Variants in DOCK7 observed in about 807,000 individuals in gnomAD.
The protein encoded by DOCK7 is dedicator of cytokinesis 7.
DOCK7 carries 138 observed loss-of-function variants against 271.0 expected under a neutral mutation model. That is an observed-to-expected ratio of 0.51 (90% CI 0.44 to 0.59). The LOEUF (loss-of-function observed/expected upper bound fraction) is 0.59, where lower values mean the gene tolerates loss of function less well. Ranked by LOEUF, DOCK7 falls within the 20% of genes least tolerant of loss-of-function variation. The pLI is 0.00. For missense variants in DOCK7, 2,066 were observed against 2,592.4 expected, an observed-to-expected ratio of 0.80 and a Z score of 4.41; for synonymous variants, 823 against 876.1, an observed-to-expected ratio of 0.94 and a Z score of 1.07.
chr1:62,679,217 T>C (rs1660849911), intron 1 of DOCK7, among the ~76,000 whole-genome samples: 1 of 152,066 alleles, frequency 6.6e-6, no homozygotes, highest in Non-Finnish European at 1.5e-5. Flanking sequence ...TATCTTAATA[T>C]CTCAGGGTAA....
At chr1:62,609,022 A>G (rs1651404752) in intron 14 of DOCK7, 1 of 152,230 alleles carries the variant, frequency 6.6e-6, no homozygotes, top group Non-Finnish European at 1.5e-5. Context: ...ACTAACAGCC[A>G]TAAACTCTGC....
At chr1:62,630,225 C>A (rs1654450090) in intron 11 of DOCK7, among the ~76,000 whole-genome samples, 1 of 152,036 alleles carries the variant, frequency 6.6e-6, no homozygotes, top group Non-Finnish European at 1.5e-5. Flanking sequence ...GGAATCAAGG[C>A]CCTTTGTTTT....
chr1:62,584,258 T>C, intron 15 of DOCK7: 2 of 973,584 alleles, frequency 2.1e-6, no homozygotes, highest in Non-Finnish European at 2.4e-6. Context: ...TAATTATGAC[T>C]TTCCTAAGAT....
At position 62,648,163 on chromosome 1, in the gene DOCK7, G is replaced by C. The variant is rs1250860441; in HGVS notation, c.675C>G (p.Asp225Glu). The C allele has an allele frequency of 1.2e-6, 2 of 1,613,336 alleles. No individual in the cohort carries two copies. The highest frequency in any genetic ancestry group is 3.3e-5 in the Admixed American group (2 of 59,976). ...PNEEIDRQND[D>E]QRKSNRHKEL... The stretch of plus-strand genomic sequence containing the variant: ...CTTTGTGACGGTTTGATTTCCTTTG[G>C]TCATCATTCTGACGGTCTATTTCTT... The change falls in exon 6 of 50, where the codon GAC becomes GAG. Residue 225 changes from aspartate (D) to glutamate (E), a missense_variant. Asp to Glu is a conservative substitution (Grantham distance 45). This residue lies in a region of DOCK7 where 1,414 missense variants were observed against 1,670.4 expected (regional missense o/e 0.85). Coordinates refer to ENST00000635253, the MANE Select transcript of DOCK7 (RefSeq NM_001367561.1).
At chr1:62,456,572 A>G (rs1459416634) in intron 49 of DOCK7, among the ~76,000 whole-genome samples, 2 of 152,186 alleles carry the variant, frequency 1.3e-5, no homozygotes, top group African/African-American at 4.8e-5. Flanking sequence ...AACTGCCTAC[A>G]TATGTTAAAA....
chr1:62,646,279 T>C (rs866132534), intron 7 of DOCK7, among the ~76,000 whole-genome samples: 12 of 151,670 alleles, frequency 7.9e-5, no homozygotes, highest in African/African-American at 2.7e-4. Context: ...TTACATGAAA[T>C]AATCAGAATG....
chr1:62,624,121 T>C (rs1311070683), intron 12 of DOCK7, among the ~76,000 whole-genome samples: 1 of 152,186 alleles, frequency 6.6e-6, no homozygotes, highest in Middle Eastern at 3.2e-3. Context: ...TCTAGTCACC[T>C]AGTCACTTAC....
intron 48 of DOCK7, among the ~76,000 whole-genome samples, chr1:62,464,092 C>A (rs1420861707): frequency 1.3e-5 from 2 of 152,052 alleles, no homozygotes; most frequent in African/African-American, 4.8e-5. Flanking sequence ...CGGAGTCTCG[C>A]TCTGTCACCC....
chr1:62,675,763 C>T (rs890055156), intron 1 of DOCK7, among the ~76,000 whole-genome samples: 28 of 151,228 alleles, frequency 1.9e-4, no homozygotes, highest in African/African-American at 6.8e-4. Context: ...CCAGCCTGGG[C>T]GACAGTGCGA....
chr1:62,616,053 G>A (rs1299306309), intron 14 of DOCK7, among the ~76,000 whole-genome samples: 1 of 151,624 alleles, frequency 6.6e-6, no homozygotes, highest in East Asian at 1.9e-4. Context: ...ACTAATACAT[G>A]TTTACATAAT....
intron 2 of DOCK7, among the ~76,000 whole-genome samples, chr1:62,656,264 C>T (rs1285398571): frequency 6.6e-6 from 1 of 152,048 alleles, no homozygotes; most frequent in Non-Finnish European, 1.5e-5. Flanking sequence ...GCAAAATGTC[C>T]TTACAATTTG....
chr1:62,509,748 TC>T (rs1644427551), intron 34 of DOCK7, among the ~76,000 whole-genome samples: 1 of 152,168 alleles, frequency 6.6e-6, no homozygotes, highest in South Asian at 2.1e-4. Flanking sequence ...CTCACTTGTT[TC>T]CTCTGTTTTA....
chr1:62,476,562 T>C (rs1200959231), intron 44 of DOCK7, among the ~76,000 whole-genome samples: 1 of 152,200 alleles, frequency 6.6e-6, no homozygotes, highest in Admixed American at 6.5e-5. Flanking sequence ...GACCATGGGT[T>C]AATGAATAAA....
chr1:62,461,282 T>G (rs1645517571), intron 48 of DOCK7, among the ~76,000 whole-genome samples: 1 of 152,096 alleles, frequency 6.6e-6, no homozygotes, highest in Non-Finnish European at 1.5e-5. Context: ...ATTCTACAGA[T>G]AAATTATTAG....
intron 36 of DOCK7, 149 bp downstream of exon 36, chr1:62,505,533 A>T: frequency 1.2e-6 from 1 of 825,266 alleles, no homozygotes; most frequent in Non-Finnish European, 1.7e-6. Context: ...AAGAAGAATT[A>T]AGGGTCTTAG....
intron 2 of DOCK7, among the ~76,000 whole-genome samples, chr1:62,657,070 A>T (rs758110748): frequency 2.0e-4 from 30 of 152,338 alleles, no homozygotes; most frequent in Middle Eastern, 3.4e-3. Context: ...GAATCTGGAC[A>T]TCAACTCCTA....
intron 14 of DOCK7, among the ~76,000 whole-genome samples, chr1:62,599,095 A>T (rs1025064656): frequency 6.6e-6 from 1 of 152,082 alleles, no homozygotes; most frequent in Admixed American, 6.6e-5. Context: ...AAAAAAATTA[A>T]TTCATAGCAG....
chr1:62,558,073 C>A (rs978992995), intron 20 of DOCK7, among the ~76,000 whole-genome samples: 1 of 152,048 alleles, frequency 6.6e-6, no homozygotes, highest in Non-Finnish European at 1.5e-5. Context: ...AGAAAAAGTC[C>A]CAATTTCCTA....
At chr1:62,538,151 A>G (rs1336120616) in intron 27 of DOCK7, 90 bp from the exon 28 acceptor site, 1 of 1,375,866 alleles carries the variant, frequency 7.3e-7, no homozygotes, top group African/African-American at 1.5e-5. Context: ...AATTAAAGAG[A>G]TAGTACTTGG....
Sources: allele counts gnomAD v4.1 joint callset (sites outside exome capture counted in the v4.1 genomes callset), GRCh38; gene constraint gnomAD v4.1.1; regional missense constraint gnomAD v4.1.1; transcripts MANE v1.5; gene names NCBI Gene and HGNC (gene_info 2026-07-23, HGNC 2026-07-21).